PIP4K2B: variants seen among roughly 807,000 people sequenced by gnomAD.
PIP4K2B encodes the protein phosphatidylinositol-5-phosphate 4-kinase type 2 beta.
In PIP4K2B, 3 loss-of-function variants were observed where a neutral mutation model predicts 42.0. The ratio of observed to expected loss-of-function variants is 0.07; its 90% CI spans 0.03 to 0.18. The LOEUF is 0.18. Among genes scored for constraint, PIP4K2B ranks in the 10% least tolerant of loss-of-function variants. PIP4K2B has a pLI of 1.00. For missense variants in PIP4K2B, 332 were observed against 562.3 expected (o/e 0.59, Z 4.14); for synonymous variants, 204 against 210.1 (o/e 0.97, Z 0.25).
intron 1 of PIP4K2B, among the ~76,000 whole-genome samples, chr17:38,798,060 C>T (rs1910747762): frequency 6.6e-6 from 1 of 152,210 alleles, no homozygotes; most frequent in Non-Finnish European, 1.5e-5. Context: ...GATTACGGTT[C>T]ATCGATCTCC....
intron 1 of PIP4K2B, among the ~76,000 whole-genome samples, chr17:38,795,886 C>T (rs765508333): frequency 1.3e-5 from 2 of 152,074 alleles, no homozygotes; most frequent in Non-Finnish European, 2.9e-5. Context: ...TGCCTGTAAT[C>T]CCAGCACTTT....
At chr17:38,795,981 T>C (rs1000697667) in intron 1 of PIP4K2B, among the ~76,000 whole-genome samples, 1 of 151,594 alleles carries the variant, frequency 6.6e-6, no homozygotes, top group Admixed American at 6.6e-5. Context: ...TCTACTAAAA[T>C]AAAAAAATTA....
intron 9 of PIP4K2B, 70 bp from the exon 10 acceptor site, chr17:38,769,841 G>A: frequency 7.0e-7 from 1 of 1,431,506 alleles, no homozygotes; most frequent in South Asian, 1.1e-5. Flanking sequence ...CATGGGGGGA[G>A]CCAGGGTATT....
At chr17:38,791,368 G>T (rs951781362) in intron 1 of PIP4K2B, among the ~76,000 whole-genome samples, 1 of 149,614 alleles carries the variant, frequency 6.7e-6, no homozygotes, top group Non-Finnish European at 1.5e-5. Flanking sequence ...TGCTTAGCCT[G>T]GCATTCAAGG....
Position 38,770,592 on chromosome 17 carries a change from G to A in PIP4K2B, c.1067-53C>T, listed in dbSNP as rs1908966662. The A allele has an allele frequency of 3.1e-6, 3 of 979,362 alleles. No individual in the cohort carries two copies. In the Admixed American group the frequency reaches 5.2e-5, roughly 17 times the overall value. 60.7% of individuals were successfully genotyped at this position (979,362 alleles called of 1,614,324 possible). ...AGGAAGAGGGGGCAGGAGAAGGGCA[G>A]ACAGCAGCTGGGCACTGCTACAACC... On this transcript the variant is annotated intron_variant, in intron 8 of 9. Coordinates refer to ENST00000619039, the MANE Select transcript of PIP4K2B (RefSeq NM_003559.5).
chr17:38,787,589 ATCTT>A (rs1277300173), intron 1 of PIP4K2B, among the ~76,000 whole-genome samples: 1 of 152,050 alleles, frequency 6.6e-6, no homozygotes, highest in Non-Finnish European at 1.5e-5. Context: ...TATATTATTT[ATCTT>A]TCTTTTTCTT....
rs942960764 is a variant in PIP4K2B, at chr17:38,778,219, A to G, written c.693+115T>C. On this transcript the variant is annotated intron_variant, in intron 6 of 9. Coordinates refer to ENST00000619039, the MANE Select transcript of PIP4K2B (RefSeq NM_003559.5). ...ATGACACACGGCATTTCATGTTGAC[A>G]GACGGCATGTCTGGGAGCTGGGCTA... The G allele has an allele frequency of 2.0e-5, 18 of 905,040 alleles. No individual in the cohort carries two copies. The Admixed American group carries it at 2.0e-4, about 10-fold the overall frequency. 56.1% of individuals were successfully genotyped at this position (905,040 alleles called of 1,614,324 possible).
rs1908677809 is a variant in PIP4K2B, at chr17:38,765,945, G to C, written c.*3746C>G. ...TTAATTCACATTTTTTAATTTCAAT[G>C]ATCTGACCTGATGCTGGGATGTGCC... On this transcript the variant is annotated 3_prime_UTR_variant, in exon 10 of 10. Coordinates refer to ENST00000619039, the MANE Select transcript of PIP4K2B (RefSeq NM_003559.5). The C allele has an allele frequency of 6.6e-6, 1 of 152,624 alleles. No individual in the cohort carries two copies. The highest frequency in any genetic ancestry group is 6.5e-5 in the Admixed American group (1 of 15,284). The allele number at this position is 152,624 out of a possible 1,614,324, so 9.5% of individuals were successfully genotyped here. A position where few individuals can be genotyped will look rare whatever the true frequency, so the allele number is the denominator to read the frequency against.
Position 38,779,532 on chromosome 17 carries a change from A to G in PIP4K2B, c.508-3T>C, listed in dbSNP as rs576786997. 2 of 1,611,580 alleles carry G rather than the reference A, an allele frequency of 1.2e-6. No homozygotes were observed. The highest frequency in any genetic ancestry group is 1.3e-5 in the African/African-American group (1 of 75,040). On this transcript the variant is annotated splice_region_variant and splice_polypyrimidine_tract_variant and intron_variant, in intron 4 of 9. Coordinates refer to ENST00000619039, the MANE Select transcript of PIP4K2B (RefSeq NM_003559.5). ...TTGCCATGACACTCCACTATAAACT[A>G]GAATGGAAAGGAAGAAGAGAGAGGA... is the stretch of plus-strand genomic sequence containing the variant.
chr17:38,770,594 C>T, intron 8 of PIP4K2B, 55 bp from the exon 9 acceptor site: 1 of 974,438 alleles, frequency 1.0e-6, no homozygotes, highest in Admixed American at 1.7e-5. Context: ...GAAGGGCAGA[C>T]AGCAGCTGGG....
chr17:38,780,717 G>A (rs1909657761), intron 3 of PIP4K2B, 113 bp from the exon 4 acceptor site: 1 of 999,920 alleles, frequency 1.0e-6, no homozygotes, highest in Non-Finnish European at 1.5e-6. Flanking sequence ...CTGAGATAGA[G>A]GGACTCCCAG....
At chr17:38,770,766 C>T (rs989128629) in intron 8 of PIP4K2B, among the ~76,000 whole-genome samples, 1 of 152,068 alleles carries the variant, frequency 6.6e-6, no homozygotes, top group Non-Finnish European at 1.5e-5. Flanking sequence ...AAGTTTGGTT[C>T]ATCTCATGAA....
chr17:38,790,824 C>A (rs1449316244), intron 1 of PIP4K2B, among the ~76,000 whole-genome samples: 1 of 152,132 alleles, frequency 6.6e-6, no homozygotes, highest in Non-Finnish European at 1.5e-5. Flanking sequence ...GGGAGACTTA[C>A]CCCTCATTTC....
intron 1 of PIP4K2B, among the ~76,000 whole-genome samples, chr17:38,791,827 C>T (rs1298588129): frequency 4.0e-5 from 6 of 151,114 alleles, no homozygotes; most frequent in Admixed American, 6.6e-5. Context: ...TAGTGGCTCA[C>T]GCCTGTAATT....
chr17:38,773,106 T>C (rs1422436690), intron 7 of PIP4K2B, among the ~76,000 whole-genome samples: 1 of 152,066 alleles, frequency 6.6e-6, no homozygotes, highest in Non-Finnish European at 1.5e-5. Flanking sequence ...TACTGTATAA[T>C]AAAATAGAAT....
At chr17:38,795,895 T>C (rs1910634812) in intron 1 of PIP4K2B, among the ~76,000 whole-genome samples, 1 of 151,196 alleles carries the variant, frequency 6.6e-6, no homozygotes, top group Non-Finnish European at 1.5e-5. Context: ...TCCCAGCACT[T>C]TGGGAGGCCG....
chr17:38,781,827 T>TC lies in PIP4K2B; in HGVS notation c.355-1224_355-1223insG, dbSNP rs1026065688. On this transcript the variant is annotated intron_variant, in intron 3 of 9. Transcript: ENST00000619039. ...CTACTGTGCCCAGCCTTTTTTTTTT[T>TC]TTTTAAAGATGGTGTTTTGCTGTCA... is the stretch of plus-strand genomic sequence containing the variant. Among the ~76,000 whole-genome samples the TC allele has an allele frequency of 5.2e-4, 78 of 150,720 alleles. 1 individual carries two copies. The highest frequency in any genetic ancestry group is 3.4e-3 in the Middle Eastern group (1 of 292).
chr17:38,776,910 T>C (rs1037907793), intron 7 of PIP4K2B, among the ~76,000 whole-genome samples: 5 of 152,136 alleles, frequency 3.3e-5, no homozygotes, highest in African/African-American at 1.2e-4. Context: ...TGGATTTTTG[T>C]TTTTTGAGAC....
intron 2 of PIP4K2B, 83 bp from the exon 3 acceptor site, chr17:38,784,422 G>T (rs911435664): frequency 8.9e-6 from 7 of 784,006 alleles, no homozygotes; most frequent in Non-Finnish European, 1.2e-5. Context: ...TTGTAATAGA[G>T]ACAGAGTCTT....
Sources: allele counts gnomAD v4.1 joint callset (sites outside exome capture counted in the v4.1 genomes callset), GRCh38; gene constraint gnomAD v4.1.1; transcripts MANE v1.5; gene names NCBI Gene and HGNC (gene_info 2026-07-23, HGNC 2026-07-21).